Variants in PHF20 observed in about 807,000 individuals in gnomAD.
The protein encoded by PHF20 is glioma-expressed antigen 2.
PHF20 carries 23 observed loss-of-function variants against 113.5 expected under a neutral mutation model. The ratio of observed to expected loss-of-function variants is 0.20; its 90% confidence interval spans 0.15 to 0.29. The LOEUF (loss-of-function observed/expected upper bound fraction) is 0.29. Among genes scored for constraint, PHF20 ranks in the 10% least tolerant of loss-of-function variants. The pLI is 1.00. For synonymous variants in PHF20, 434 were observed against 457.3 expected (o/e 0.95, Z 0.65); for missense variants, 943 against 1,219.6 (o/e 0.77, Z 3.38).
chr20:35,931,213 G>A, intron 14 of PHF20, 36 bp from the exon 15 acceptor site: 3 of 1,516,170 alleles, frequency 2.0e-6, no homozygotes, highest in South Asian at 2.3e-5. Flanking sequence ...GTTTCCTTCA[G>A]GCCTTGTTTT....
At chr20:35,849,428 G>A (rs766832345) in intron 4 of PHF20, 1 of 471,110 alleles carries the variant, frequency 2.1e-6, no homozygotes, top group African/African-American at 2.0e-5. Context: ...AATGAAGTAG[G>A]TGCTGAAATA....
intron 1 of PHF20, among the ~76,000 whole-genome samples, chr20:35,799,760 C>T (rs1454673586): frequency 6.6e-6 from 1 of 152,074 alleles, no homozygotes; most frequent in African/African-American, 2.4e-5. Flanking sequence ...CTCCGCCTCC[C>T]AGGTTCAAGC....
intron 2 of PHF20, among the ~76,000 whole-genome samples, chr20:35,810,816 A>C (rs941105062): frequency 6.6e-6 from 1 of 152,182 alleles, no homozygotes; most frequent in Non-Finnish European, 1.5e-5. Flanking sequence ...TTGTTTGGTA[A>C]AATCTTTGAC....
In PHF20 at chr20:35,938,722, C is replaced by A. The variant is rs778075118; in HGVS notation, c.2326C>A (p.Leu776Met). ...AAGCCGGGAGCATCCTGATCTGCCGCTGTGGTGCCAGCCTTGGAAACAGCA... is the reference window on the plus strand; with the variant it reads ...AAGCCGGGAGCATCCTGATCTGCCGATGTGGTGCCAGCCTTGGAAACAGCA... ...LQSREHPDLPLWCQPWKQHSG... is the reference protein window; with the variant it reads ...LQSREHPDLPMWCQPWKQHSG... Residue 776 changes from leucine (L) to methionine (M), a missense_variant, in exon 16 of 18, where the codon CTG becomes ATG. Coordinates refer to ENST00000374012, the MANE Select transcript of PHF20 (RefSeq NM_016436.5). 1 of 1,612,162 alleles carries A rather than the reference C, an allele frequency of 6.2e-7. No individual in the cohort carries two copies. The highest frequency in any genetic ancestry group is 8.5e-7 in the Non-Finnish European group (1 of 1,178,994).
At chr20:35,835,023 T>A (rs187612816) in intron 2 of PHF20, among the ~76,000 whole-genome samples, 1 of 152,276 alleles carries the variant, frequency 6.6e-6, no homozygotes, top group Non-Finnish European at 1.5e-5. Context: ...ATGCCTGTAA[T>A]CCCAGCACTT....
chr20:35,919,495 A>G (rs1461332758), intron 13 of PHF20, among the ~76,000 whole-genome samples: 1 of 152,044 alleles, frequency 6.6e-6, no homozygotes, highest in African/African-American at 2.4e-5. Flanking sequence ...GCCTGCCACC[A>G]TGCCCGGCTA....
At chr20:35,924,091 A>G (rs2055572331) in intron 13 of PHF20, among the ~76,000 whole-genome samples, 1 of 152,094 alleles carries the variant, frequency 6.6e-6, no homozygotes, top group Non-Finnish European at 1.5e-5. Context: ...TAAGTATGCA[A>G]GTCAGTGATG....
chr20:35,814,106 G>T (rs2042025659), intron 2 of PHF20, among the ~76,000 whole-genome samples: 2 of 151,882 alleles, frequency 1.3e-5, no homozygotes, highest in Admixed American at 1.3e-4. Context: ...TTAGCTCTGG[G>T]CACTGGGTGT....
chr20:35,847,575 C>G (rs2042646122), intron 4 of PHF20, 141 bp downstream of exon 4: 1 of 574,982 alleles, frequency 1.7e-6, no homozygotes, highest in African/African-American at 1.9e-5. Flanking sequence ...ATCACTATGT[C>G]AGGAGTTGGG....
chr20:35,911,240 T>C (rs111516886), intron 10 of PHF20, among the ~76,000 whole-genome samples: 38 of 152,128 alleles, frequency 2.5e-4, no homozygotes, highest in Middle Eastern at 3.4e-3. Context: ...GACAGGGTTT[T>C]ACCATGTTAG....
intron 6 of PHF20, among the ~76,000 whole-genome samples, chr20:35,869,029 T>C (rs2054369402): frequency 6.6e-6 from 1 of 151,602 alleles, no homozygotes; most frequent in East Asian, 1.9e-4. Flanking sequence ...AGGCGGAGGT[T>C]GCAGTGAGCA....
At chr20:35,872,907 A>G (rs1002728736) in intron 9 of PHF20, among the ~76,000 whole-genome samples, 1 of 152,148 alleles carries the variant, frequency 6.6e-6, no homozygotes, top group Non-Finnish European at 1.5e-5. Flanking sequence ...CAGTTAGATC[A>G]AGGTAGTTGA....
intron 15 of PHF20, among the ~76,000 whole-genome samples, chr20:35,936,322 CT>C (rs1325888730): frequency 6.6e-6 from 1 of 152,160 alleles, no homozygotes; most frequent in Non-Finnish European, 1.5e-5. Context: ...ATTGTTTCCC[CT>C]CTTCCTTAGT....
At chr20:35,775,413 C>T (rs1451506182) in intron 1 of PHF20, among the ~76,000 whole-genome samples, 1 of 152,060 alleles carries the variant, frequency 6.6e-6, no homozygotes, top group Non-Finnish European at 1.5e-5. Context: ...CCATAGTCCC[C>T]TTTATTAGTT....
chr20:35,860,238 T>A (rs910691978), intron 5 of PHF20, among the ~76,000 whole-genome samples: 2 of 92,090 alleles, frequency 2.2e-5, no homozygotes, highest in South Asian at 4.3e-4. Flanking sequence ...TTCTAAGAAA[T>A]TTTTTTTTTT....
In PHF20 at chr20:35,839,251, C is replaced by T. The variant is rs527575823; in HGVS notation, c.84-3322C>T. ...TAAAAATACAAAAAAATTAGCCGGG[C>T]GTGGTGGCGGGCGCCTGTAGTCCCA... On this transcript the variant is annotated intron_variant, in intron 2 of 17. Coordinates refer to ENST00000374012, the MANE Select transcript of PHF20 (RefSeq NM_016436.5). Among the ~76,000 whole-genome samples, 7 of 151,542 alleles carry T rather than the reference C, an allele frequency of 4.6e-5. No individual in the cohort carries two copies. The South Asian group carries it at 6.2e-4, about 14-fold the overall frequency.
At chr20:35,807,340 A>G (rs1454089641) in intron 2 of PHF20, among the ~76,000 whole-genome samples, 1 of 146,502 alleles carries the variant, frequency 6.8e-6, no homozygotes, top group Non-Finnish European at 1.5e-5. Flanking sequence ...TGTTGCTTCT[A>G]TGAATGGATC....
intron 15 of PHF20, among the ~76,000 whole-genome samples, chr20:35,932,428 ATTTTTTTT>A (rs753265544): frequency 9.6e-6 from 1 of 104,692 alleles, no homozygotes; most frequent in African/African-American, 3.8e-5. Context: ...CATCTTAACC[ATTTTTTTT>A]TTTTTTTTTT....
chr20:35,850,816 G>A, intron 4 of PHF20: 1 of 1,077,022 alleles, frequency 9.3e-7, no homozygotes, highest in South Asian at 1.3e-5. Context: ...TATTTGTTAT[G>A]AAAATCAGGT....
Sources: gnomAD v4.1 joint callset for allele counts (sites outside exome capture counted in the v4.1 genomes callset) on GRCh38, gnomAD v4.1.1 for gene constraint, MANE v1.5 for transcripts, NCBI Gene and HGNC (gene_info 2026-07-23, HGNC 2026-07-21) for gene names.